Variants in TGS1 observed in about 807,000 individuals in gnomAD.
The protein encoded by TGS1 is trimethylguanosine synthase 1.
Under a neutral mutation model 92.2 loss-of-function variants are expected in TGS1, and 69 were observed. The observed-to-expected ratio is 0.75, with a 90% CI of 0.62 to 0.91. The LOEUF is 0.91. TGS1 is among the 40% of genes least tolerant of loss of function. The pLI is 0.00. For missense variants in TGS1, 1,062 were observed against 1,001.2 expected, an observed-to-expected ratio of 1.06 and a Z score of -0.82; for synonymous variants, 345 against 338.1, an observed-to-expected ratio of 1.02 and a Z score of -0.22.
At chr8:55,806,005 G>A (rs1338429201) in intron 10 of TGS1, among the ~76,000 whole-genome samples, 2 of 151,146 alleles carry the variant, frequency 1.3e-5, no homozygotes, top group African/African-American at 2.4e-5. Context: ...GCTGCAGTGA[G>A]CTGTGATTGC....
intron 3 of TGS1, 150 bp downstream of exon 3, chr8:55,786,041 A>G: frequency 1.3e-6 from 1 of 773,998 alleles, no homozygotes; most frequent in East Asian, 2.8e-5. Context: ...ACCAGAACTG[A>G]AAGTTGTAAT....
At chr8:55,822,195 G>A (rs1392190244) in intron 12 of TGS1, among the ~76,000 whole-genome samples, 2 of 151,226 alleles carry the variant, frequency 1.3e-5, no homozygotes, top group Admixed American at 6.6e-5. Context: ...TCAGCCTCCC[G>A]AATAGCTGGG....
intron 1 of TGS1, among the ~76,000 whole-genome samples, chr8:55,779,266 A>G (rs1811488350): frequency 6.6e-6 from 1 of 152,246 alleles, no homozygotes; most frequent in Non-Finnish European, 1.5e-5. Context: ...TCTTGGAGAT[A>G]CTTGAAAGTT....
Position 55,786,555 on chromosome 8 carries a change from G to A in TGS1, c.657G>A (p.Pro219=), listed in dbSNP as rs201042096. 59 of 1,614,128 alleles carry A rather than the reference G, an allele frequency of 3.7e-5. No individual in the cohort carries two copies. Among genetic ancestry groups the A allele is most frequent in the Admixed American group, 1.2e-4 (7 of 60,026 alleles). ...GGCAAAGTTGGCAAGAAAAACATCC[G>A]GGTCAAGCACTATCTTCTGAACCTT... ...LLWQSWQEKH[P]GQALSSEPWN... Residue 219 remains proline, a synonymous_variant, in exon 4 of 13, where the codon CCG becomes CCA. Coordinates refer to ENST00000260129, the MANE Select transcript of TGS1 (RefSeq NM_024831.8).
chr8:55,788,454 C>CT (rs71256568), intron 4 of TGS1, among the ~76,000 whole-genome samples: 1,195 of 91,060 alleles, frequency 0.013, 57 homozygotes, highest in African/African-American at 0.035. Context: ...CATTTTCATC[C>CT]TTTTTTTTTT....
In TGS1 at chr8:55,786,818, C is replaced by G; in HGVS notation, c.920C>G (p.Ser307Cys). 1.9e-6 allele frequency: 3 copies of G among 1,614,048 alleles called. No individual in the cohort carries two copies. The highest frequency in any genetic ancestry group is 1.7e-6 in the Non-Finnish European group (2 of 1,179,978). The part of the protein sequence containing the change: ...SSPIMVDNDS[S>C]GTSDKDHSEI... Reference sequence around the variant, plus strand: ...CCTATTATGGTTGATAATGATAGCTCTGGTACAAGTGATAAGGATCATAGT... The same window carrying G: ...CCTATTATGGTTGATAATGATAGCTGTGGTACAAGTGATAAGGATCATAGT... The change falls in exon 4 of 13, where the codon TCT becomes TGT. Residue 307 changes from serine to cysteine, a missense_variant. Ser to Cys is a moderately radical substitution (Grantham distance 112). Transcript: ENST00000260129.
intron 12 of TGS1, among the ~76,000 whole-genome samples, chr8:55,821,670 G>A (rs1217235518): frequency 1.3e-5 from 2 of 151,994 alleles, no homozygotes; most frequent in African/African-American, 2.4e-5. Flanking sequence ...TCAGGAGATC[G>A]AGACCACCCT....
intron 9 of TGS1, among the ~76,000 whole-genome samples, chr8:55,803,128 GGGGTGTGT>G (rs1041809018): frequency 1.2e-4 from 17 of 144,262 alleles, no homozygotes; most frequent in Admixed American, 2.7e-4. Flanking sequence ...TCAATTTGGG[GGGGTGTGT>G]GTGTGTGTGT....
chr8:55,776,439 T>G (rs1486707433), intron 1 of TGS1, among the ~76,000 whole-genome samples: 2 of 151,974 alleles, frequency 1.3e-5, no homozygotes, highest in African/African-American at 2.4e-5. Context: ...CGCCACAATG[T>G]CCAGCTAATT....
At chr8:55,806,658 C>T in intron 10 of TGS1, among the ~76,000 whole-genome samples, 1 of 151,936 alleles carries the variant, frequency 6.6e-6, no homozygotes, top group East Asian at 1.9e-4. Flanking sequence ...TCTTAAGGGC[C>T]AACTATATGT....
chr8:55,795,415 G>A (rs576515272), intron 6 of TGS1, among the ~76,000 whole-genome samples: 4 of 152,274 alleles, frequency 2.6e-5, no homozygotes, highest in East Asian at 1.9e-4. Context: ...ACAGTTTGTC[G>A]GAGAGGGAGT....
rs556826485 is a variant in TGS1 at position 55,809,381 on chromosome 8, C to CAGCT, written c.2144-1497_2144-1494dup. Among the ~76,000 whole-genome samples the CAGCT allele has an allele frequency of 3.2e-4, 48 of 151,994 alleles. 2 individuals are homozygous for CAGCT. The South Asian group carries it at 9.4e-3, about 30-fold the overall frequency. On this transcript the variant is annotated intron_variant, in intron 10 of 12. Transcript: ENST00000260129. ...TATCTGTGCTGTCCAATATGATAGC[C>CAGCT]AGCTAGTAGCCACATGTGGCTATTA...
intron 12 of TGS1, among the ~76,000 whole-genome samples, chr8:55,819,944 C>T (rs1307286443): frequency 6.6e-6 from 1 of 152,100 alleles, no homozygotes; most frequent in Non-Finnish European, 1.5e-5. Context: ...GTAGTCACAG[C>T]CAGTATTTCA....
intron 2 of TGS1, among the ~76,000 whole-genome samples, chr8:55,784,283 G>C (rs1016401541): frequency 1.3e-5 from 2 of 152,056 alleles, no homozygotes; most frequent in Admixed American, 1.3e-4. Flanking sequence ...TTACTTTGTT[G>C]TAATAAATGG....
intron 1 of TGS1, among the ~76,000 whole-genome samples, chr8:55,781,935 A>G (rs151016000): frequency 2.4e-4 from 37 of 152,252 alleles, no homozygotes; most frequent in African/African-American, 8.7e-4. Context: ...GTATTCTGTT[A>G]GGTTTATTTT....
chr8:55,775,246 AAAAAAG>A (rs201550423), intron 1 of TGS1, among the ~76,000 whole-genome samples: 69,204 of 149,468 alleles, frequency 0.46, 16,368 homozygotes, highest in East Asian at 0.58. Flanking sequence ...TCCCGAAAAA[AAAAAAG>A]AAAAGAAAAG....
intron 4 of TGS1, among the ~76,000 whole-genome samples, chr8:55,788,966 C>G (rs957564733): frequency 6.6e-6 from 1 of 152,172 alleles, no homozygotes; most frequent in Non-Finnish European, 1.5e-5. Flanking sequence ...GTCTCACAGT[C>G]TCTGCCTTCT....
At chr8:55,792,827 A>C in intron 6 of TGS1, 43 bp downstream of exon 6, 1 of 1,339,874 alleles carries the variant, frequency 7.5e-7, no homozygotes, top group Admixed American at 1.7e-5. Flanking sequence ...AGTCCTAACC[A>C]CTTCAACTAT....
intron 10 of TGS1, among the ~76,000 whole-genome samples, chr8:55,805,344 A>C (rs1427205429): frequency 6.6e-6 from 1 of 152,218 alleles, no homozygotes; most frequent in Non-Finnish European, 1.5e-5. Flanking sequence ...AAACTCGCAG[A>C]TGAATCCCTT....
Sources: allele counts gnomAD v4.1 joint callset (sites outside exome capture counted in the v4.1 genomes callset), GRCh38; gene constraint gnomAD v4.1.1; transcripts MANE v1.5; gene names NCBI Gene and HGNC (gene_info 2026-07-23, HGNC 2026-07-21).